The following KIF26B variants were observed in gnomAD, a reference collection of about 807,000 sequenced individuals.
KIF26B encodes the protein kinesin-like protein KIF26B.
A neutral mutation model predicts 151.2 loss-of-function variants in KIF26B; 63 were observed. The ratio of observed to expected loss-of-function variants is 0.42; its 90% CI spans 0.34 to 0.51. KIF26B has a LOEUF of 0.51. KIF26B is among the 20% of genes least tolerant of loss of function. The probability of loss-of-function intolerance (pLI) is 0.07; values close to 1 mark genes in which losing one functional copy is unlikely to be tolerated. For missense variants in KIF26B, 2,813 were observed against 2,913.6 expected, an observed-to-expected ratio of 0.97 and a Z score of 0.79; for synonymous variants, 1,357 against 1,262.1, an observed-to-expected ratio of 1.08 and a Z score of -1.59.
chr1:245,210,342 C>T (rs1468235287), intron 2 of KIF26B, among the ~76,000 whole-genome samples: 1 of 152,184 alleles, frequency 6.6e-6, no homozygotes, highest in Non-Finnish European at 1.5e-5. Context: ...CCCGCACAGG[C>T]CCACTCTGCA....
chr1:245,195,623 G>A (rs12144718), intron 2 of KIF26B, among the ~76,000 whole-genome samples: 3,168 of 152,272 alleles, frequency 0.021, 55 homozygotes, highest in Middle Eastern at 0.089. Context: ...TGCCCCTGGG[G>A]CTCCGCTTCA....
chr1:245,499,590 G>A (rs1660580062), intron 4 of KIF26B, among the ~76,000 whole-genome samples: 1 of 152,220 alleles, frequency 6.6e-6, no homozygotes, highest in Non-Finnish European at 1.5e-5. Context: ...TATAATTTGA[G>A]TAAGCCAAAA....
chr1:245,665,999 C>CTTT (rs33957488), intron 10 of KIF26B, among the ~76,000 whole-genome samples: 36,428 of 107,218 alleles, frequency 0.34, 7,757 homozygotes, highest in East Asian at 0.69. Flanking sequence ...ACATTATGTC[C>CTTT]TTTTTTTTTT....
At chr1:245,408,802 A>G (rs1674202567) in intron 3 of KIF26B, among the ~76,000 whole-genome samples, 1 of 152,196 alleles carries the variant, frequency 6.6e-6, no homozygotes, top group Non-Finnish European at 1.5e-5. Flanking sequence ...CCAAGCCCAC[A>G]GGCCTTATCT....
chr1:245,208,427 A>T lies in KIF26B; in HGVS notation c.465+51744A>T, dbSNP rs915675982. On this transcript the variant is annotated intron_variant, in intron 2 of 14. Coordinates refer to ENST00000407071, the MANE Select transcript of KIF26B (RefSeq NM_018012.4). ...TTCAGGGGTGTTTCTCTCTCTAAGGACATAAAATAAACAGGCTTGCTGGCG... is the reference window on the plus strand; with the variant it reads ...TTCAGGGGTGTTTCTCTCTCTAAGGTCATAAAATAAACAGGCTTGCTGGCG... Among the ~76,000 whole-genome samples, 3 of 152,096 alleles carry T rather than the reference A, an allele frequency of 2.0e-5. No individual in the cohort carries two copies. The South Asian group carries it at 6.2e-4, about 32-fold the overall frequency.
intron 2 of KIF26B, among the ~76,000 whole-genome samples, chr1:245,313,758 A>G (rs1203130681): frequency 1.3e-5 from 2 of 152,236 alleles, no homozygotes; most frequent in Admixed American, 6.5e-5. Flanking sequence ...GTCTCTGCAC[A>G]TGATCAGCTG....
rs1261880638 is a variant in KIF26B at position 245,156,583 on chromosome 1, G to A, written c.365G>A (p.Gly122Asp). ...GSGSGGGSSP[G>D]SDRGVWCENC... Reference sequence around the variant, plus strand: ...GGCAGCGGCGGCGGCTCCTCCCCCGGCTCGGACCGCGGCGTCTGGTGCGAG... The same window carrying A: ...GGCAGCGGCGGCGGCTCCTCCCCCGACTCGGACCGCGGCGTCTGGTGCGAG... The change falls in exon 2 of 15, where the codon GGC becomes GAC. Residue 122 changes from glycine to aspartate, a missense_variant. Gly to Asp is a moderately conservative substitution (Grantham distance 94). Around this residue, in one of 3 missense-constraint regions of KIF26B, gnomAD observed 676 missense variants for 688.1 expected, o/e 0.98. Transcript: ENST00000407071. The A allele has an allele frequency of 6.5e-7, 1 of 1,528,180 alleles. No individual in the cohort carries two copies. The highest frequency in any genetic ancestry group is 1.2e-5 in the South Asian group (1 of 83,602). 94.7% of individuals were successfully genotyped at this position (1,528,180 alleles called of 1,614,324 possible). A position where few individuals can be genotyped will look rare whatever the true frequency, so the allele number is the denominator to read the frequency against.
Position 245,564,001 on chromosome 1 carries a change from A to C in KIF26B, c.1350+23051A>C, listed in dbSNP as rs1440631596. Among the ~76,000 whole-genome samples the C allele has an allele frequency of 6.6e-6, 1 of 152,150 alleles. No individual in the cohort carries two copies. Among genetic ancestry groups the C allele is most frequent in the Admixed American group, 6.5e-5 (1 of 15,280 alleles). ...CACCAGAATTAGGTTCCTCCACACCAAATGTGATCATTTCATTTCGCAGCT... is the reference window on the plus strand; with the variant it reads ...CACCAGAATTAGGTTCCTCCACACCCAATGTGATCATTTCATTTCGCAGCT... On this transcript the variant is annotated intron_variant, in intron 5 of 14. Coordinates refer to ENST00000407071, the MANE Select transcript of KIF26B (RefSeq NM_018012.4). This position sits in a 1 kb window ranked among gnomAD's most constrained non-coding sequence, Gnocchi z 4.6.
chr1:245,561,936 A>G (rs1452927315), intron 5 of KIF26B, among the ~76,000 whole-genome samples: 2 of 152,142 alleles, frequency 1.3e-5, no homozygotes, highest in South Asian at 2.1e-4. Context: ...AAGGCTCTTT[A>G]CAGCTTTCTG....
intron 3 of KIF26B, chr1:245,370,734 A>G: frequency 2.3e-6 from 1 of 426,018 alleles, no homozygotes; most frequent in Non-Finnish European, 4.8e-6. Flanking sequence ...AACACTGAAG[A>G]TGCTGCTTAA....
chr1:245,468,847 GTTAAA>G (rs1369428913), intron 4 of KIF26B, among the ~76,000 whole-genome samples: 1 of 152,168 alleles, frequency 6.6e-6, no homozygotes, highest in Non-Finnish European at 1.5e-5. Flanking sequence ...CATCTGGACT[GTTAAA>G]TTAAGGGTTC....
intron 5 of KIF26B, among the ~76,000 whole-genome samples, chr1:245,587,797 A>G (rs2043243542): frequency 6.6e-6 from 1 of 152,160 alleles, no homozygotes; most frequent in African/African-American, 2.4e-5. Context: ...TCAAACCTCC[A>G]ACTGCATTCT....
intron 9 of KIF26B, among the ~76,000 whole-genome samples, chr1:245,629,736 T>C (rs1368288767): frequency 6.6e-6 from 1 of 152,074 alleles, no homozygotes; most frequent in East Asian, 1.9e-4. Flanking sequence ...AAAGCCACAA[T>C]TGACAAATGG....
At chr1:245,286,535 C>T (rs1671166530) in intron 2 of KIF26B, among the ~76,000 whole-genome samples, 2 of 152,098 alleles carry the variant, frequency 1.3e-5, no homozygotes, top group Admixed American at 6.5e-5. Flanking sequence ...GAGTGAGACC[C>T]TGTCTAAAAA....
At chr1:245,470,168 G>A (rs566068509) in intron 4 of KIF26B, among the ~76,000 whole-genome samples, 27 of 152,200 alleles carry the variant, frequency 1.8e-4, no homozygotes, top group South Asian at 1.0e-3. Flanking sequence ...TGGAGGTGAC[G>A]TTGACACCCA....
chr1:245,440,311 C>T (rs1044530380), intron 4 of KIF26B, among the ~76,000 whole-genome samples: 17 of 151,912 alleles, frequency 1.1e-4, no homozygotes, highest in South Asian at 6.2e-4. Flanking sequence ...CATTTGAGAA[C>T]GGGCATTTGG....
intron 2 of KIF26B, among the ~76,000 whole-genome samples, chr1:245,317,931 C>A (rs1671810354): frequency 6.6e-6 from 1 of 152,188 alleles, no homozygotes; most frequent in South Asian, 2.1e-4. Flanking sequence ...TCTTCAATGG[C>A]CTTGAAAAAT....
At chr1:245,277,464 GC>G (rs1210036440) in intron 2 of KIF26B, among the ~76,000 whole-genome samples, 1 of 152,204 alleles carries the variant, frequency 6.6e-6, no homozygotes, top group Non-Finnish European at 1.5e-5. Context: ...TCCTGAAGGT[GC>G]TCTTGGTGCC....
At chr1:245,408,129 G>T (rs1558154029) in intron 3 of KIF26B, among the ~76,000 whole-genome samples, 1 of 152,150 alleles carries the variant, frequency 6.6e-6, no homozygotes, top group Non-Finnish European at 1.5e-5. Context: ...TGACATCAGG[G>T]TTGAGTTGAT....
Sources: allele counts gnomAD v4.1 joint callset (sites outside exome capture counted in the v4.1 genomes callset), GRCh38; gene constraint gnomAD v4.1.1; regional missense constraint gnomAD v4.1.1; non-coding constraint Gnocchi (gnomAD v3.1); transcripts MANE v1.5; gene names NCBI Gene and HGNC (gene_info 2026-07-23, HGNC 2026-07-21).